The following NELFB variants were observed in gnomAD, a reference collection of about 807,000 sequenced individuals.
NELFB encodes negative elongation factor complex member B.
NELFB carries 34 observed loss-of-function variants against 60.2 expected under a neutral mutation model. The observed-to-expected ratio is 0.56, with a 90% CI of 0.43 to 0.75. NELFB has a LOEUF of 0.75. Among genes scored for constraint, NELFB ranks in the 30% least tolerant of loss-of-function variants. The pLI, the probability that NELFB is intolerant of heterozygous loss-of-function variation, is 0.00. For missense variants in NELFB, 770 were observed against 831.6 expected (o/e 0.93, Z 0.91); for synonymous variants, 459 against 382.1 (o/e 1.20, Z -2.35).
intron 4 of NELFB, among the ~76,000 whole-genome samples, chr9:137,257,849 C>T (rs1027666491): frequency 1.3e-5 from 2 of 151,174 alleles, no homozygotes; most frequent in African/African-American, 2.4e-5. Context: ...CACTCTGTTG[C>T]ACAGGCTGGA....
In NELFB at chr9:137,273,162, A is replaced by G. The variant is rs1032082213; in HGVS notation, c.*234A>G. On this transcript the variant is annotated 3_prime_UTR_variant, in exon 13 of 13. Coordinates refer to ENST00000343053, the MANE Select transcript of NELFB (RefSeq NM_015456.5). ...AGCCTCTCCTTGTACTTTGGCAGCC[A>G]TAGAAAGCGTGCTCATTTTCTGTTT... 2 of 428,696 alleles carry G rather than the reference A, an allele frequency of 4.7e-6. No homozygotes were observed. Among genetic ancestry groups the G allele is most frequent in the Admixed American group, 4.0e-5 (1 of 24,976 alleles). 26.6% of individuals were successfully genotyped at this position (428,696 alleles called of 1,614,324 possible).
rs1830474040 is a variant in NELFB at position 137,263,127 on chromosome 9, CG to C, written c.834del (p.Asn279MetfsTer73). 7 of 1,613,952 alleles carry C rather than the reference CG, an allele frequency of 4.3e-6. No homozygotes were observed. Among genetic ancestry groups the C allele is most frequent in the Non-Finnish European group, 5.9e-6 (7 of 1,179,990 alleles). On this transcript the variant is annotated frameshift_variant, in exon 5 of 13. Coordinates refer to ENST00000343053, the MANE Select transcript of NELFB (RefSeq NM_015456.5). LOFTEE classifies it high-confidence loss of function. ...TCTGCGCACGCTCTTCCTGCGCACGCGGAATGTGCACTACTGCACGCTGCGG... is the reference window on the plus strand; with the variant it reads ...TCTGCGCACGCTCTTCCTGCGCACGCGAATGTGCACTACTGCACGCTGCGG...
rs750081628 is a variant in NELFB, at chr9:137,255,887, G to A, written c.247-20G>A. ...CCGGGCGCACTGGGCTGCGTTTGAG[G>A]TTTCTCTTGGCTTCCTCAGACAGAG... On this transcript the variant is annotated intron_variant, in intron 1 of 12. Transcript: ENST00000343053. The A allele has an allele frequency of 2.5e-6, 4 of 1,611,176 alleles. No homozygotes were observed. In the African/African-American group the frequency reaches 5.3e-5, roughly 22 times the overall value.
chr9:137,263,932 G>A (rs539198044), intron 5 of NELFB, among the ~76,000 whole-genome samples: 3 of 152,184 alleles, frequency 2.0e-5, no homozygotes, highest in Admixed American at 6.5e-5. Flanking sequence ...CCATCTTTCC[G>A]GGACTTGGGA....
chr9:137,264,272 C>T lies in NELFB; in HGVS notation c.955C>T (p.Arg319Ter). 3.7e-6 allele frequency: 6 copies of T among 1,600,886 alleles called. No individual in the cohort carries two copies. The highest frequency in any genetic ancestry group is 5.1e-6 in the Non-Finnish European group (6 of 1,174,902). The change falls in exon 6 of 13, where the codon CGA (arginine) becomes TGA (stop). Residue 319 changes from arginine (R) to a stop codon, truncating the protein, a stop_gained. Transcript: ENST00000343053. LOFTEE classifies it high-confidence loss of function. ...CACCTGGTGCCTGGACGCCTGCATCCGAGAGCGGTTCGTGGACAGCAAGAG... is the reference window on the plus strand; with the variant it reads ...CACCTGGTGCCTGGACGCCTGCATCTGAGAGCGGTTCGTGGACAGCAAGAG...
At chr9:137,256,100 G>A (rs201110859) in intron 2 of NELFB, 30 bp downstream of exon 2, 4 of 1,601,842 alleles carry the variant, frequency 2.5e-6, no homozygotes, top group South Asian at 1.1e-5. Flanking sequence ...GGGCAGGTGA[G>A]ATGTGCAGCC....
rs1419720791 is a variant in NELFB, at chr9:137,263,323, T to C, written c.927+101T>C. 34 of 959,682 alleles carry C rather than the reference T, an allele frequency of 3.5e-5. No homozygotes were observed. The African/African-American group carries it at 7.6e-4, about 21-fold the overall frequency. The allele number at this position is 959,682 out of a possible 1,614,324, so 59.4% of individuals were successfully genotyped here. A position where few individuals can be genotyped will look rare whatever the true frequency, so the allele number is the denominator to read the frequency against. ...CCCCGGCCCTCCCTCCTTCCCCCAC[T>C]GCCCTCCTGAAGGTAGCGCTGCCCT... On this transcript the variant is annotated intron_variant, in intron 5 of 12. Transcript: ENST00000343053.
rs377576514 is a variant in NELFB, at chr9:137,263,600, C to T, written c.927+378C>T. ...GCGCCCTTCTCTCCCATGCCTGTTT[C>T]CTGGGCTCTGGTCTTTCTGTCCTGT... On this transcript the variant is annotated intron_variant, in intron 5 of 12. Coordinates refer to ENST00000343053, the MANE Select transcript of NELFB (RefSeq NM_015456.5). 3.5e-3 allele frequency among the ~76,000 whole-genome samples: 527 copies of T among 151,640 alleles called. 34 individuals are homozygous for T. In the South Asian group the frequency reaches 0.11, roughly 31 times the overall value.
At chr9:137,264,483 C>G in intron 6 of NELFB, 126 bp downstream of exon 6, 1 of 716,156 alleles carries the variant, frequency 1.4e-6, no homozygotes, top group Non-Finnish European at 2.3e-6. Flanking sequence ...TTGTTTTTTT[C>G]GAGACAGAGT....
intron 10 of NELFB, among the ~76,000 whole-genome samples, chr9:137,270,598 CAAAT>C (rs1022395030): frequency 7.4e-5 from 11 of 148,892 alleles, no homozygotes; most frequent in African/African-American, 2.7e-4. Flanking sequence ...TCAAAAAAAA[CAAAT>C]AAAAAATAAG....
intron 11 of NELFB, 140 bp from the exon 12 acceptor site, chr9:137,272,367 G>A (rs1830594119): frequency 6.8e-7 from 1 of 1,469,106 alleles, no homozygotes; most frequent in Admixed American, 2.0e-5. Flanking sequence ...TGGCCCTGCA[G>A]GGTGCCTGGG....
intron 2 of NELFB, 41 bp downstream of exon 2, chr9:137,256,111 G>C: frequency 6.3e-7 from 1 of 1,589,940 alleles, no homozygotes; most frequent in Non-Finnish European, 8.6e-7. Context: ...ATGTGCAGCC[G>C]GCCTCTCAGC....
intron 10 of NELFB, 138 bp from the exon 11 acceptor site, chr9:137,271,943 T>C: frequency 2.1e-6 from 2 of 952,540 alleles, no homozygotes; most frequent in Non-Finnish European, 3.0e-6. Context: ...GCTGAGACCC[T>C]GTGCTTCTCA....
chr9:137,263,457 C>T (rs1476705703), intron 5 of NELFB, among the ~76,000 whole-genome samples: 2 of 128,350 alleles, frequency 1.6e-5, no homozygotes, highest in East Asian at 2.5e-4. Flanking sequence ...CCCAACTCCC[C>T]GGCCCTCTCT....
In NELFB at chr9:137,267,292, C is replaced by T. The variant is rs776748331; in HGVS notation, c.1435C>T (p.His479Tyr). The T allele has an allele frequency of 4.6e-5, 75 of 1,613,452 alleles. No individual in the cohort carries two copies. Among genetic ancestry groups the T allele is most frequent in the Non-Finnish European group, 6.1e-5 (72 of 1,179,878 alleles). The change falls in exon 10 of 13, where the codon CAC becomes TAC. Residue 479 changes from histidine to tyrosine, a missense_variant. Transcript: ENST00000343053. ...CGAGGTGGGGCTGTACTACGTCCTG[C>T]ACATCACCAAGCAGAGGAACAAGAA... is the stretch of plus-strand genomic sequence containing the variant.
At chr9:137,259,338 C>G (rs1001123383) in intron 4 of NELFB, among the ~76,000 whole-genome samples, 1 of 152,248 alleles carries the variant, frequency 6.6e-6, no homozygotes, top group Non-Finnish European at 1.5e-5. Context: ...GGGTTCCCTT[C>G]GGGCCGTGGT....
At chr9:137,256,755 T>C in intron 3 of NELFB, 69 bp from the exon 4 acceptor site, 1 of 1,500,746 alleles carries the variant, frequency 6.7e-7, no homozygotes, top group Non-Finnish European at 9.2e-7. Flanking sequence ...GGCTGAGGCC[T>C]CTTGGCTTGT....
Position 137,266,318 on chromosome 9 carries a change from G to A in NELFB, c.1144-13G>A, listed in dbSNP as rs1023633272. On this transcript the variant is annotated splice_polypyrimidine_tract_variant and intron_variant, in intron 7 of 12. Transcript: ENST00000343053. ...GCTGCCTGGGAGAGGCGCTGAGCCC[G>A]TCCTCCCTACAGGACAGCCCCGACC... 61 of 1,608,822 alleles carry A rather than the reference G, an allele frequency of 3.8e-5. No individual in the cohort carries two copies. The highest frequency in any genetic ancestry group is 4.8e-5 in the Non-Finnish European group (56 of 1,177,338).
chr9:137,268,852 C>T (rs1830550681), intron 10 of NELFB, among the ~76,000 whole-genome samples: 1 of 151,874 alleles, frequency 6.6e-6, no homozygotes, highest in Non-Finnish European at 1.5e-5. Flanking sequence ...GAGACAGAGA[C>T]AGGAGAGACA....
Sources: gnomAD v4.1 joint callset for allele counts (sites outside exome capture counted in the v4.1 genomes callset) on GRCh38, gnomAD v4.1.1 for gene constraint, MANE v1.5 for transcripts, NCBI Gene and HGNC (gene_info 2026-07-23, HGNC 2026-07-21) for gene names.